The following FHIT variants were observed in gnomAD, a reference collection of about 807,000 sequenced individuals.
FHIT encodes the protein bis(5'-adenosyl)-triphosphatase.
FHIT carries 19 observed loss-of-function variants against 17.9 expected under a neutral mutation model. The ratio of observed to expected loss-of-function variants is 1.06; its 90% CI spans 0.74 to 1.56. The LOEUF (loss-of-function observed/expected upper bound fraction) is 1.56, where lower values mean the gene tolerates loss of function less well. Among genes scored for constraint, FHIT ranks in the 40% most tolerant of loss-of-function variants. The pLI, the probability that FHIT is intolerant of heterozygous loss-of-function variation, is 0.00. For missense variants in FHIT, 248 were observed against 189.2 expected (o/e 1.31, Z -1.82); for synonymous variants, 81 against 69.7 (o/e 1.16, Z -0.81).
intron 3 of FHIT, among the ~76,000 whole-genome samples, chr3:60,858,277 A>T (rs1461987986): frequency 6.6e-6 from 1 of 152,222 alleles, no homozygotes; most frequent in Non-Finnish European, 1.5e-5. Flanking sequence ...TTTACTAAAA[A>T]GAAAAACACA....
At chr3:60,415,657 A>C (rs1023955060) in intron 5 of FHIT, among the ~76,000 whole-genome samples, 17 of 151,818 alleles carry the variant, frequency 1.1e-4, no homozygotes, top group African/African-American at 3.1e-4. Context: ...TACACTGGAC[A>C]TATCTATCCA....
intron 5 of FHIT, among the ~76,000 whole-genome samples, chr3:60,224,530 T>G (rs1236051631): frequency 2.0e-5 from 3 of 152,018 alleles, no homozygotes; most frequent in Non-Finnish European, 4.4e-5. Context: ...ATATCCCTCC[T>G]AAGCCATCCA....
chr3:61,049,615 TAC>T (rs1373384634), intron 2 of FHIT, among the ~76,000 whole-genome samples: 2 of 152,160 alleles, frequency 1.3e-5, no homozygotes, highest in African/African-American at 4.8e-5. Flanking sequence ...AAATAGGACA[TAC>T]ATAGCACCAT....
chr3:60,921,863 C>T (rs1553768452), intron 3 of FHIT, among the ~76,000 whole-genome samples: 1 of 152,232 alleles, frequency 6.6e-6, no homozygotes, highest in African/African-American at 2.4e-5. Context: ...TCTTTTCCAA[C>T]TTAGCCCCTG....
At chr3:60,159,767 G>A (rs1700855942) in intron 5 of FHIT, among the ~76,000 whole-genome samples, 1 of 152,170 alleles carries the variant, frequency 6.6e-6, no homozygotes, top group South Asian at 2.1e-4. Context: ...TGAGCCAAGT[G>A]TCATGCCCCA....
intron 1 of FHIT, among the ~76,000 whole-genome samples, chr3:61,216,570 G>A (rs1038285102): frequency 6.6e-6 from 1 of 152,208 alleles, no homozygotes; most frequent in African/African-American, 2.4e-5. Context: ...TTCAACCATT[G>A]TGGAAGTCAG....
intron 5 of FHIT, among the ~76,000 whole-genome samples, chr3:60,204,529 A>T (rs996399784): frequency 6.6e-6 from 1 of 151,276 alleles, no homozygotes; most frequent in African/African-American, 2.4e-5. Context: ...GGGCTCAAGC[A>T]ATCTTCCTGC....
chr3:60,652,909 CAAACAAAACAAAACAAAACAAAACA>C (rs57749384), intron 4 of FHIT, among the ~76,000 whole-genome samples: 4 of 139,140 alleles, frequency 2.9e-5, no homozygotes, highest in Non-Finnish European at 4.6e-5. Flanking sequence ...AAGTTCATCT[CAAACAAAACAAAACAAAACAAAACA>C]AAACAAAACA....
chr3:60,958,006 G>C (rs1003408469), intron 3 of FHIT, among the ~76,000 whole-genome samples: 1 of 152,114 alleles, frequency 6.6e-6, no homozygotes, highest in African/African-American at 2.4e-5. Flanking sequence ...ATTTAGACTA[G>C]ATTCCTCCTT....
chr3:60,769,064 C>T (rs1394930817), intron 4 of FHIT, among the ~76,000 whole-genome samples: 1 of 152,070 alleles, frequency 6.6e-6, no homozygotes, highest in African/African-American at 2.4e-5. Context: ...ACCTTCTTGA[C>T]TAAGAAACTC....
chr3:61,076,871 C>T (rs1053317829), intron 2 of FHIT, among the ~76,000 whole-genome samples: 2 of 152,130 alleles, frequency 1.3e-5, no homozygotes, highest in East Asian at 1.9e-4. Context: ...AAATATTCAT[C>T]CTGTTTCTTT....
chr3:60,127,946 T>G (rs939369796), intron 5 of FHIT, among the ~76,000 whole-genome samples: 3 of 152,184 alleles, frequency 2.0e-5, no homozygotes, highest in African/African-American at 7.2e-5. Flanking sequence ...GTACATTTTA[T>G]TAGCCTTAGT....
chr3:60,625,878 T>A (rs2107762105), intron 4 of FHIT, among the ~76,000 whole-genome samples: 1 of 152,322 alleles, frequency 6.6e-6, no homozygotes, highest in Middle Eastern at 3.4e-3. Context: ...TTTTAGCTTT[T>A]ACATTTGAGG....
intron 5 of FHIT, among the ~76,000 whole-genome samples, chr3:60,045,254 A>G (rs535438232): frequency 1.3e-5 from 2 of 152,334 alleles, no homozygotes; most frequent in African/African-American, 4.8e-5. Context: ...CAGGTATGAT[A>G]AAGACATACC....
rs114917642 is a variant in FHIT at position 60,342,098 on chromosome 3, G to A, written c.103+194762C>T. ...CATACACAGGACCTGAAGATGCCAG[G>A]CTCCTCCCCACTGCACAGGAGGTGA... On this transcript the variant is annotated intron_variant, in intron 5 of 9. Transcript: ENST00000492590. 5.9e-3 allele frequency among the ~76,000 whole-genome samples: 904 copies of A among 152,306 alleles called. 8 individuals are homozygous for A. Among genetic ancestry groups the A allele is most frequent in the African/African-American group, 0.021 (864 of 41,574 alleles).
intron 8 of FHIT, among the ~76,000 whole-genome samples, chr3:59,861,585 T>C (rs1469531702): frequency 2.6e-5 from 4 of 152,172 alleles, no homozygotes; most frequent in African/African-American, 4.8e-5. Flanking sequence ...TCCTTGATAA[T>C]GCACAGATAA....
intron 5 of FHIT, among the ~76,000 whole-genome samples, chr3:60,218,541 G>A (rs1703806017): frequency 1.3e-5 from 2 of 151,968 alleles, no homozygotes; most frequent in Admixed American, 6.6e-5. Context: ...AACACATATG[G>A]CCTTTAAACT....
At chr3:60,565,657 T>A (rs1170645226) in intron 4 of FHIT, among the ~76,000 whole-genome samples, 1 of 152,146 alleles carries the variant, frequency 6.6e-6, no homozygotes, top group African/African-American at 2.4e-5. Flanking sequence ...TCGTAAAAGT[T>A]TGTGATTGGC....
intron 4 of FHIT, among the ~76,000 whole-genome samples, chr3:60,780,651 C>A (rs1700353861): frequency 6.6e-6 from 1 of 152,122 alleles, no homozygotes; most frequent in Non-Finnish European, 1.5e-5. Flanking sequence ...CTGCCGTTTC[C>A]CCAAAACAGC....
Sources: allele counts gnomAD v4.1 joint callset (sites outside exome capture counted in the v4.1 genomes callset), GRCh38; gene constraint gnomAD v4.1.1; transcripts MANE v1.5; gene names NCBI Gene and HGNC (gene_info 2026-07-23, HGNC 2026-07-21).